The following USP28 variants were observed in gnomAD, a reference collection of about 807,000 sequenced individuals.
The protein encoded by USP28 is ubiquitin specific peptidase 28.
USP28 carries 113 observed loss-of-function variants against 145.0 expected under a neutral mutation model. The ratio of observed to expected loss-of-function variants is 0.78; its 90% CI spans 0.67 to 0.91. The LOEUF is 0.91. Among genes scored for constraint, USP28 ranks in the 40% least tolerant of loss-of-function variants. USP28 has a pLI of 0.00. For missense variants in USP28, 1,201 were observed against 1,289.6 expected (o/e 0.93, Z 1.05); for synonymous variants, 447 against 450.9 (o/e 0.99, Z 0.11).
Position 113,805,806 on chromosome 11 carries a change from G to A in USP28, c.2400+683C>T, listed in dbSNP as rs181050356. On this transcript the variant is annotated intron_variant, in intron 19 of 24. Coordinates refer to ENST00000003302, the Ensembl canonical transcript of USP28. ...AACAACAACAATGAAAAGCCCTCTA[G>A]GCTAGGTGTCACAGAGAATGTTACT... Among the ~76,000 whole-genome samples the A allele has an allele frequency of 2.5e-4, 38 of 152,292 alleles. 1 individual carries two copies. In the East Asian group the frequency reaches 6.8e-3, roughly 27 times the overall value.
chr11:113,832,135 G>A, intron 7 of USP28, 142 bp from the exon 8 acceptor site: 2 of 729,684 alleles, frequency 2.7e-6, no homozygotes, highest in Non-Finnish European at 2.2e-6. Flanking sequence ...TTTGAGACAG[G>A]GTCTCACTCT....
intron 11 of USP28, among the ~76,000 whole-genome samples, chr11:113,826,583 A>G (rs1467295956): frequency 2.6e-5 from 4 of 151,748 alleles, no homozygotes; most frequent in Admixed American, 2.0e-4. Flanking sequence ...CTAGGATTAC[A>G]GATGTGAGCC....
chr11:113,838,137 C>T (rs192828906), intron 5 of USP28, among the ~76,000 whole-genome samples: 1 of 152,330 alleles, frequency 6.6e-6, no homozygotes, highest in East Asian at 1.9e-4. Context: ...CTCATGCTGT[C>T]CCAGAAGCCT....
chr11:113,862,720 T>C (rs542148599), intron 1 of USP28, among the ~76,000 whole-genome samples: 22 of 152,164 alleles, frequency 1.4e-4, no homozygotes, highest in African/African-American at 5.1e-4. Flanking sequence ...GAGAATGCCA[T>C]TGCCAATAAC....
At chr11:113,847,509 CAT>C (rs1210930399) in intron 3 of USP28, among the ~76,000 whole-genome samples, 2 of 152,236 alleles carry the variant, frequency 1.3e-5, no homozygotes, top group Middle Eastern at 3.4e-3. Context: ...ACACTTCAAA[CAT>C]ACTTAATGTT....
chr11:113,827,112 A>G lies in USP28; in HGVS notation c.1187+121T>C, dbSNP rs1165093495. The G allele has an allele frequency of 3.1e-6, 4 of 1,273,146 alleles. No individual in the cohort carries two copies. In the Admixed American group the frequency reaches 7.8e-5, roughly 25 times the overall value. The allele number at this position is 1,273,146 out of a possible 1,614,324, so 78.9% of individuals were successfully genotyped here. The stretch of plus-strand genomic sequence containing the variant: ...GCAAAGACCCTCAACCTAGACTCAT[A>G]GAATCCAAATTTGCATATTATCATG... On this transcript the variant is annotated intron_variant, in intron 11 of 24. Transcript: ENST00000003302.
chr11:113,803,046 G>T, intron 23 of USP28, 112 bp downstream of exon 24: 1 of 1,238,670 alleles, frequency 8.1e-7, no homozygotes, highest in South Asian at 2.3e-5. Context: ...ATTTTGGGGG[G>T]AAATCTACAA....
At chr11:113,856,225 C>T (rs1947035746) in intron 1 of USP28, among the ~76,000 whole-genome samples, 6 of 152,168 alleles carry the variant, frequency 3.9e-5, no homozygotes. Context: ...ATCTATGTAT[C>T]TCACACAAAT....
At chr11:113,874,289 TA>T (rs1288879490) in intron 1 of USP28, among the ~76,000 whole-genome samples, 1 of 149,794 alleles carries the variant, frequency 6.7e-6, no homozygotes, top group Non-Finnish European at 1.5e-5. Context: ...CCGACTCTAC[TA>T]AAAATACAAA....
At chr11:113,802,799 G>C (rs2428020) in intron 23 of USP28, among the ~76,000 whole-genome samples, 117,968 of 152,112 alleles carry the variant, frequency 0.78, 46,341 homozygotes, top group East Asian at 0.89. Context: ...TTATTACATG[G>C]TTCCTACATG....
intron 12 of USP28, 107 bp downstream of exon 12, chr11:113,823,498 A>C (rs1253849972): frequency 3.3e-6 from 3 of 912,760 alleles, no homozygotes; most frequent in Non-Finnish European, 4.8e-6. Flanking sequence ...TGTTTTATAA[A>C]ATATTCTAGT....
At position 113,846,008 on chromosome 11, in the gene USP28, A is replaced by C. The variant is rs544025178; in HGVS notation, c.269-4240T>G. 2.0e-5 allele frequency among the ~76,000 whole-genome samples: 3 copies of C among 152,362 alleles called. No individual in the cohort carries two copies. The South Asian group carries it at 6.2e-4, about 32-fold the overall frequency. On this transcript the variant is annotated intron_variant, in intron 3 of 24. Transcript: ENST00000003302. ...AAAACATGGCATATACATACAATGGAGTATTACTCAACCTTAAAAAGCAAA... is the reference window on the plus strand; with the variant it reads ...AAAACATGGCATATACATACAATGGCGTATTACTCAACCTTAAAAAGCAAA...
At chr11:113,838,797 G>A (rs1406337135) in intron 5 of USP28, among the ~76,000 whole-genome samples, 2 of 152,200 alleles carry the variant, frequency 1.3e-5, no homozygotes, top group African/African-American at 2.4e-5. Context: ...GAGAGTACGG[G>A]CTTTGTTTTA....
Position 113,856,054 on chromosome 11 carries a change from T to C in USP28, c.58-1719A>G, listed in dbSNP as rs549712151. ...CTATGAGTCTTGTCAACTCCAGTCA[T>C]TGCCTGTGCACTGGGAGAGTGATTA... On this transcript the variant is annotated intron_variant, in intron 1 of 24. Coordinates refer to ENST00000003302, the Ensembl canonical transcript of USP28. Among the ~76,000 whole-genome samples the C allele has an allele frequency of 3.9e-4, 59 of 152,336 alleles. No individual in the cohort carries two copies. In the South Asian group the frequency reaches 0.012, roughly 30 times the overall value.
intron 1 of USP28, 142 bp downstream of exon 1, chr11:113,875,303 A>T: frequency 3.4e-6 from 2 of 590,476 alleles, no homozygotes; most frequent in Non-Finnish European, 4.5e-6. Context: ...TGGCCTTCTC[A>T]CCCACGCTGG....
At chr11:113,847,554 A>T (rs1946007292) in intron 3 of USP28, among the ~76,000 whole-genome samples, 1 of 152,208 alleles carries the variant, frequency 6.6e-6, no homozygotes, top group Admixed American at 6.5e-5. Context: ...CTTAACAAAA[A>T]CTGCCAACAC....
At chr11:113,843,659 G>A (rs1199277545) in intron 3 of USP28, among the ~76,000 whole-genome samples, 9 of 100,580 alleles carry the variant, frequency 8.9e-5, no homozygotes, top group East Asian at 5.8e-4. Context: ...CAACAAGAGC[G>A]AAACTCTATC....
At chr11:113,832,329 T>C (rs965361295) in intron 7 of USP28, among the ~76,000 whole-genome samples, 1 of 152,114 alleles carries the variant, frequency 6.6e-6, no homozygotes, top group African/African-American at 2.4e-5. Context: ...AAGCTGGTCT[T>C]GAACTCCTGA....
At chr11:113,825,007 C>G (rs1402548263) in intron 11 of USP28, among the ~76,000 whole-genome samples, 1 of 151,356 alleles carries the variant, frequency 6.6e-6, no homozygotes, top group Non-Finnish European at 1.5e-5. Context: ...ATCAAAATCC[C>G]AATAGCCACT....
Sources: gnomAD v4.1 joint callset for allele counts (sites outside exome capture counted in the v4.1 genomes callset) on GRCh38, gnomAD v4.1.1 for gene constraint, MANE v1.5 for transcripts, NCBI Gene and HGNC (gene_info 2026-07-23, HGNC 2026-07-21) for gene names.